CERS6: variants seen among roughly 807,000 people sequenced by gnomAD.
The protein encoded by CERS6 is ceramide synthase 6.
In CERS6, 26 loss-of-function variants were observed where a neutral mutation model predicts 56.8. The ratio of observed to expected loss-of-function variants is 0.46; its 90% confidence interval spans 0.34 to 0.63. The LOEUF is 0.63. Ranked by LOEUF, CERS6 falls within the 30% of genes least tolerant of loss-of-function variation. The probability of loss-of-function intolerance (pLI) is 0.01; values close to 1 mark genes in which losing one functional copy is unlikely to be tolerated. For synonymous variants in CERS6, 164 were observed against 173.3 expected (o/e 0.95, Z 0.42); for missense variants, 415 against 467.5 (o/e 0.89, Z 1.04).
At chr2:168,518,386 G>A (rs1478620538) in intron 1 of CERS6, among the ~76,000 whole-genome samples, 3 of 152,200 alleles carry the variant, frequency 2.0e-5, no homozygotes, top group Non-Finnish European at 4.4e-5. Context: ...CTTCACCCAA[G>A]CATAGGAAAA....
In CERS6 at chr2:168,631,526, A is replaced by G. The variant is rs1358858031; in HGVS notation, c.465+484A>G. ...ATATAATATATATAAACTATTATAT[A>G]AATACATATTAAATATATTATATTT... On this transcript the variant is annotated intron_variant, in intron 4 of 9. Transcript: ENST00000305747. 3.3e-5 allele frequency among the ~76,000 whole-genome samples: 4 copies of G among 122,408 alleles called. 1 individual carries two copies. Among genetic ancestry groups the G allele is most frequent in the Non-Finnish European group, 6.4e-5 (4 of 62,440 alleles). The allele number at this position is 122,408 out of a possible 152,430, so 80.3% of individuals were successfully genotyped here.
intron 1 of CERS6, among the ~76,000 whole-genome samples, chr2:168,520,063 C>T (rs1694950086): frequency 6.6e-6 from 1 of 152,178 alleles, no homozygotes; most frequent in Non-Finnish European, 1.5e-5. Flanking sequence ...TATAAGCATT[C>T]CATTTGCTCT....
At chr2:168,689,630 G>A (rs1439427524) in intron 4 of CERS6, among the ~76,000 whole-genome samples, 3 of 152,192 alleles carry the variant, frequency 2.0e-5, no homozygotes, top group African/African-American at 7.2e-5. Context: ...TGTTATAGAT[G>A]AGAGAAATGG....
intron 8 of CERS6, among the ~76,000 whole-genome samples, chr2:168,745,840 CTCTTCCTACCTTCAACG>C (rs1457398619): frequency 6.6e-6 from 1 of 152,198 alleles, no homozygotes; most frequent in Non-Finnish European, 1.5e-5. Context: ...CCCTCTCTTT[CTCTTCCTACCTTCAACG>C]TCATCAAGCA....
chr2:168,710,032 GA>G (rs1275671208), intron 6 of CERS6, among the ~76,000 whole-genome samples: 1 of 152,164 alleles, frequency 6.6e-6, no homozygotes, highest in African/African-American at 2.4e-5. Context: ...GGACTATAAT[GA>G]AAATTGGTCT....
intron 2 of CERS6, among the ~76,000 whole-genome samples, chr2:168,548,384 C>G (rs1408121797): frequency 6.6e-6 from 1 of 152,142 alleles, no homozygotes; most frequent in African/African-American, 2.4e-5. Context: ...GTTCAGATCT[C>G]CTTCAGAACA....
rs1310904340 is a variant in CERS6, at chr2:168,474,350, A to G, written c.170+17732A>G. On this transcript the variant is annotated intron_variant, in intron 1 of 9. Transcript: ENST00000305747. ...TTTAGGTGTTTTTCCCTAAACTGAC[A>G]TAAAGAAGTAGAATTGCTGGATCAG... Among the ~76,000 whole-genome samples, 3 of 152,312 alleles carry G rather than the reference A, an allele frequency of 2.0e-5. No homozygotes were observed. The East Asian group carries it at 5.8e-4, about 29-fold the overall frequency.
At chr2:168,494,316 C>T (rs544428069) in intron 1 of CERS6, among the ~76,000 whole-genome samples, 145 of 151,858 alleles carry the variant, frequency 9.5e-4, no homozygotes, top group South Asian at 3.8e-3. Flanking sequence ...GTTAAGAGCC[C>T]GAACTCTGGA....
At chr2:168,539,547 A>T (rs1695328346) in intron 1 of CERS6, among the ~76,000 whole-genome samples, 1 of 152,178 alleles carries the variant, frequency 6.6e-6, no homozygotes, top group African/African-American at 2.4e-5. Context: ...TTCTTGAAAC[A>T]GTTTTGTCTT....
chr2:168,746,621 C>G (rs1360061215), intron 8 of CERS6, among the ~76,000 whole-genome samples: 1 of 151,490 alleles, frequency 6.6e-6, no homozygotes, highest in Non-Finnish European at 1.5e-5. Flanking sequence ...AACACCAAAA[C>G]TAACAACAGG....
intron 1 of CERS6, among the ~76,000 whole-genome samples, chr2:168,501,083 G>A (rs144980951): frequency 3.8e-4 from 58 of 152,334 alleles, no homozygotes; most frequent in African/African-American, 1.4e-3. Context: ...TAGAAGGGGA[G>A]TATAAGTGTT....
At chr2:168,473,411 A>G (rs1025813740) in intron 1 of CERS6, among the ~76,000 whole-genome samples, 6 of 152,104 alleles carry the variant, frequency 3.9e-5, no homozygotes, top group Non-Finnish European at 7.4e-5. Flanking sequence ...ACATTCTTCC[A>G]AATTATTCAT....
intron 8 of CERS6, among the ~76,000 whole-genome samples, chr2:168,754,857 A>G (rs1229812476): frequency 1.3e-5 from 2 of 152,088 alleles, no homozygotes; most frequent in East Asian, 1.9e-4. Context: ...TCCTGTGCTC[A>G]AGTGATCCTC....
At chr2:168,605,836 T>C (rs889499534) in intron 3 of CERS6, among the ~76,000 whole-genome samples, 1 of 152,114 alleles carries the variant, frequency 6.6e-6, no homozygotes, top group African/African-American at 2.4e-5. Context: ...GGCCTCCACC[T>C]AGATTTCAGA....
intron 1 of CERS6, among the ~76,000 whole-genome samples, chr2:168,533,406 G>A (rs926343107): frequency 3.3e-5 from 5 of 152,250 alleles, no homozygotes; most frequent in South Asian, 4.1e-4. Context: ...ATTGTTTGAC[G>A]ACTTCTTTTC....
intron 9 of CERS6, among the ~76,000 whole-genome samples, chr2:168,767,599 TATG>T (rs955597623): frequency 6.6e-6 from 1 of 152,226 alleles, no homozygotes; most frequent in African/African-American, 2.4e-5. Context: ...GGTTCACTTT[TATG>T]ATATTTACTT....
In CERS6 at chr2:168,618,650, A is replaced by G. The variant is rs1228646706; in HGVS notation, c.408-12335A>G. On this transcript the variant is annotated intron_variant, in intron 3 of 9. Coordinates refer to ENST00000305747, the MANE Select transcript of CERS6 (RefSeq NM_203463.3). ...TTACAGTAGCTGCAAAAAGAATAAA[A>G]TACTTAGGAATATATCTAACCAAGA... is the stretch of plus-strand genomic sequence containing the variant. Among the ~76,000 whole-genome samples the G allele has an allele frequency of 4.6e-5, 7 of 152,322 alleles. 1 individual carries two copies. In the East Asian group the frequency reaches 9.6e-4, roughly 21 times the overall value.
chr2:168,622,994 A>G (rs1282415336), intron 3 of CERS6, among the ~76,000 whole-genome samples: 1 of 152,192 alleles, frequency 6.6e-6, no homozygotes, highest in African/African-American at 2.4e-5. Flanking sequence ...TTTAAGACAT[A>G]TGGGATGTTT....
At chr2:168,642,900 A>G (rs1341137617) in intron 4 of CERS6, among the ~76,000 whole-genome samples, 2 of 152,190 alleles carry the variant, frequency 1.3e-5, no homozygotes, top group African/African-American at 2.4e-5. Context: ...TACTTTGTGG[A>G]TGCATGTTCC....
Sources: gnomAD v4.1 joint callset for allele counts (sites outside exome capture counted in the v4.1 genomes callset) on GRCh38, gnomAD v4.1.1 for gene constraint, MANE v1.5 for transcripts, NCBI Gene and HGNC (gene_info 2026-07-23, HGNC 2026-07-21) for gene names.